Variants in NDST3 observed in about 807,000 individuals in gnomAD.
The protein encoded by NDST3 is N-deacetylase and N-sulfotransferase 3, also known as bifunctional heparan sulfate N-deacetylase/N-sulfotransferase 3.
Under a neutral mutation model 96.1 loss-of-function variants are expected in NDST3, and 58 were observed. That is an observed-to-expected ratio of 0.60 (90% confidence interval 0.49 to 0.75). NDST3 has a LOEUF of 0.75. Ranked by LOEUF, NDST3 falls within the 30% of genes least tolerant of loss-of-function variation. The pLI is 0.00. For synonymous variants in NDST3, 333 were observed against 359.7 expected, an observed-to-expected ratio of 0.93 and a Z score of 0.84; for missense variants, 788 against 1,034.2, an observed-to-expected ratio of 0.76 and a Z score of 3.27.
intron 6 of NDST3, among the ~76,000 whole-genome samples, chr4:118,155,868 T>G (rs1030675956): frequency 6.6e-6 from 1 of 152,194 alleles, no homozygotes; most frequent in Non-Finnish European, 1.5e-5. Context: ...ATAGGAGTTT[T>G]TGGAATGGAT....
chr4:118,173,613 G>A (rs1049635300), intron 6 of NDST3, among the ~76,000 whole-genome samples: 5 of 152,096 alleles, frequency 3.3e-5, no homozygotes, highest in Non-Finnish European at 7.4e-5. Context: ...CTATATAGCA[G>A]TATGGAACTA....
At chr4:118,195,784 C>T (rs1304259652) in intron 6 of NDST3, among the ~76,000 whole-genome samples, 1 of 152,098 alleles carries the variant, frequency 6.6e-6, no homozygotes, top group Non-Finnish European at 1.5e-5. Context: ...TATAAGATAC[C>T]ATCTGCAAAC....
intron 4 of NDST3, among the ~76,000 whole-genome samples, chr4:118,115,309 C>T (rs574719452): frequency 2.6e-4 from 39 of 152,260 alleles, no homozygotes; most frequent in Non-Finnish European, 4.6e-4. Flanking sequence ...AAATGAAATA[C>T]TTTTTCAAGA....
At chr4:118,157,441 T>G (rs1339751111) in intron 6 of NDST3, among the ~76,000 whole-genome samples, 2 of 151,060 alleles carry the variant, frequency 1.3e-5, no homozygotes, top group Non-Finnish European at 3.0e-5. Context: ...TTTTTTTTTT[T>G]TTGAGACAGA....
chr4:118,166,933 A>G (rs1408516103), intron 6 of NDST3, among the ~76,000 whole-genome samples: 1 of 151,842 alleles, frequency 6.6e-6, no homozygotes, highest in African/African-American at 2.4e-5. Context: ...AAACCCCACA[A>G]GTAACCTCAT....
intron 4 of NDST3, among the ~76,000 whole-genome samples, chr4:118,120,045 C>A (rs965528670): frequency 4.4e-4 from 67 of 151,920 alleles, no homozygotes; most frequent in Non-Finnish European, 7.4e-5. Context: ...AAGTAGAGTT[C>A]TTCCAATCTA....
intron 7 of NDST3, among the ~76,000 whole-genome samples, chr4:118,226,138 G>T (rs1222456079): frequency 1.3e-5 from 2 of 151,904 alleles, no homozygotes; most frequent in African/African-American, 4.8e-5. Context: ...GGTACTGTTT[G>T]CCCATTCCTG....
At chr4:118,202,160 A>G (rs532636903) in intron 6 of NDST3, among the ~76,000 whole-genome samples, 2 of 152,228 alleles carry the variant, frequency 1.3e-5, no homozygotes, top group South Asian at 4.1e-4. Flanking sequence ...TTTCTGTACC[A>G]GTACTAAGTT....
intron 1 of NDST3, among the ~76,000 whole-genome samples, chr4:118,037,845 C>T (rs1431702054): frequency 6.6e-6 from 1 of 152,184 alleles, no homozygotes; most frequent in Non-Finnish European, 1.5e-5. Context: ...ATTTACCTGA[C>T]GCCTTTATTG....
At chr4:118,227,243 C>A (rs1739952771) in intron 8 of NDST3, among the ~76,000 whole-genome samples, 2 of 150,192 alleles carry the variant, frequency 1.3e-5, no homozygotes, top group Non-Finnish European at 3.0e-5. Context: ...TTTTTTCCCC[C>A]CCAAATGTTT....
Position 118,114,854 on chromosome 4 carries a change from A to G in NDST3, c.1118A>G (p.Asp373Gly). The G allele has an allele frequency of 6.2e-7, 1 of 1,614,084 alleles. No homozygotes were observed. The highest frequency in any genetic ancestry group is 8.5e-7 in the Non-Finnish European group (1 of 1,179,972). The change falls in exon 4 of 14, where the codon GAT becomes GGT. Residue 373 changes from aspartate to glycine, a missense_variant. Asp to Gly is a moderately conservative substitution (Grantham distance 94). Transcript: ENST00000296499. ...EGDDCLLGSV[D>G]EFWWFPHMWS... is the part of the protein sequence containing the mutation. ...GATGACTGTCTGTTGGGGTCTGTGG[A>G]TGAGTTCTGGTGGTTTCCTCACATG...
intron 12 of NDST3, among the ~76,000 whole-genome samples, chr4:118,249,569 T>C (rs1361046914): frequency 1.3e-5 from 2 of 152,184 alleles, no homozygotes; most frequent in African/African-American, 4.8e-5. Context: ...CTGACACAAT[T>C]GCTTTAATAA....
chr4:118,080,156 T>C (rs191160807), intron 2 of NDST3, among the ~76,000 whole-genome samples: 13 of 152,082 alleles, frequency 8.5e-5, no homozygotes, highest in East Asian at 1.9e-4. Flanking sequence ...AATAAACACG[T>C]GTAAAGTACT....
intron 3 of NDST3, among the ~76,000 whole-genome samples, chr4:118,113,503 T>G (rs1307964074): frequency 6.6e-6 from 1 of 152,178 alleles, no homozygotes; most frequent in Non-Finnish European, 1.5e-5. Flanking sequence ...TGAATGACCA[T>G]GAAATCTCAT....
intron 12 of NDST3, among the ~76,000 whole-genome samples, chr4:118,252,465 G>A (rs1480718216): frequency 1.3e-5 from 2 of 152,192 alleles, no homozygotes; most frequent in East Asian, 3.8e-4. Context: ...TATAAAATGG[G>A]AAGAATCCTT....
intron 2 of NDST3, among the ~76,000 whole-genome samples, chr4:118,063,916 C>T (rs971941998): frequency 2.6e-5 from 4 of 152,088 alleles, no homozygotes; most frequent in African/African-American, 9.7e-5. Flanking sequence ...AGGTGGTGTC[C>T]ATAAAAATTT....
intron 4 of NDST3, among the ~76,000 whole-genome samples, chr4:118,123,707 T>C (rs1178303526): frequency 6.6e-6 from 1 of 152,144 alleles, no homozygotes; most frequent in Non-Finnish European, 1.5e-5. Context: ...TGTTTACTTA[T>C]GAGACACTCA....
chr4:118,050,299 C>A (rs1425583011), intron 1 of NDST3, among the ~76,000 whole-genome samples: 2 of 151,986 alleles, frequency 1.3e-5, no homozygotes, highest in Non-Finnish European at 1.5e-5. Context: ...AAAGCTGGAA[C>A]CACTACTCTT....
intron 2 of NDST3, among the ~76,000 whole-genome samples, chr4:118,091,827 A>T (rs1272958552): frequency 6.6e-6 from 1 of 151,774 alleles, no homozygotes; most frequent in Non-Finnish European, 1.5e-5. Flanking sequence ...TTGTATTATA[A>T]TTGACTTCAT....
Sources: allele counts gnomAD v4.1 joint callset (sites outside exome capture counted in the v4.1 genomes callset), GRCh38; gene constraint gnomAD v4.1.1; transcripts MANE v1.5; gene names NCBI Gene and HGNC (gene_info 2026-07-23, HGNC 2026-07-21).